ROBO2: variants seen among roughly 807,000 people sequenced by gnomAD.
ROBO2 encodes roundabout homolog 2.
A neutral mutation model predicts 160.8 loss-of-function variants in ROBO2; 53 were observed. That is an observed-to-expected ratio of 0.33 (90% CI 0.26 to 0.41). The LOEUF (loss-of-function observed/expected upper bound fraction) is 0.41, where lower values mean the gene tolerates loss of function less well. Ranked by LOEUF, ROBO2 falls within the 10% of genes least tolerant of loss-of-function variation. The pLI is 1.00. For synonymous variants in ROBO2, 664 were observed against 611.7 expected (o/e 1.09, Z -1.26); for missense variants, 1,577 against 1,722.4 (o/e 0.92, Z 1.49).
At chr3:76,076,043 G>C (rs1301131366) in intron 2 of ROBO2, among the ~76,000 whole-genome samples, 1 of 152,156 alleles carries the variant, frequency 6.6e-6, no homozygotes, top group East Asian at 1.9e-4. Context: ...GAGCAAAATG[G>C]TTATTGCATT....
At chr3:77,467,753 A>AT (rs113852920) in intron 2 of ROBO2, among the ~76,000 whole-genome samples, 4 of 109,414 alleles carry the variant, frequency 3.7e-5, no homozygotes, top group Admixed American at 2.0e-4. Context: ...GCACTAATAT[A>AT]AAAAAAAAAA....
intron 4 of ROBO2, among the ~76,000 whole-genome samples, chr3:77,488,225 G>A (rs1205983903): frequency 1.3e-5 from 2 of 152,256 alleles, no homozygotes; most frequent in Admixed American, 6.5e-5. Context: ...TCCCAAGAGA[G>A]ATTAACCTTG....
chr3:77,221,534 G>A (rs536731035), intron 2 of ROBO2, among the ~76,000 whole-genome samples: 24 of 152,062 alleles, frequency 1.6e-4, no homozygotes, highest in South Asian at 1.0e-3. Context: ...TTTGTTGTCC[G>A]CCCCCTCTTC....
At chr3:77,412,394 C>A (rs2076875745) in intron 2 of ROBO2, among the ~76,000 whole-genome samples, 1 of 152,202 alleles carries the variant, frequency 6.6e-6, no homozygotes, top group Non-Finnish European at 1.5e-5. Flanking sequence ...TGGCAAAAGA[C>A]ATATAACACA....
At chr3:76,577,916 A>T (rs962765262) in intron 2 of ROBO2, among the ~76,000 whole-genome samples, 3 of 152,122 alleles carry the variant, frequency 2.0e-5, no homozygotes, top group Non-Finnish European at 4.4e-5. Context: ...GTCCCTCTAC[A>T]TATGTTTTAC....
intron 2 of ROBO2, among the ~76,000 whole-genome samples, chr3:76,948,888 A>T (rs1381855138): frequency 3.6e-4 from 9 of 24,836 alleles, no homozygotes; most frequent in Admixed American, 6.0e-4. Context: ...ATATATATAT[A>T]TATATATATA....
At chr3:76,611,529 T>C (rs1203843401) in intron 2 of ROBO2, among the ~76,000 whole-genome samples, 1 of 152,124 alleles carries the variant, frequency 6.6e-6, no homozygotes, top group South Asian at 2.1e-4. Context: ...CTTAACAATT[T>C]CTTCTAGGTT....
At chr3:77,006,917 T>C (rs768863891) in intron 2 of ROBO2, among the ~76,000 whole-genome samples, 6 of 152,126 alleles carry the variant, frequency 3.9e-5, no homozygotes, top group Non-Finnish European at 7.4e-5. Flanking sequence ...TCTCTTAGGA[T>C]GAATGAGGAA....
intron 2 of ROBO2, among the ~76,000 whole-genome samples, chr3:77,121,886 T>C (rs986585727): frequency 6.6e-6 from 1 of 152,190 alleles, no homozygotes; most frequent in Non-Finnish European, 1.5e-5. Flanking sequence ...CATTTCATCT[T>C]CACTGCAAGC....
chr3:76,477,087 G>A (rs768790074), intron 2 of ROBO2, among the ~76,000 whole-genome samples: 6 of 152,144 alleles, frequency 3.9e-5, no homozygotes, highest in African/African-American at 1.2e-4. Context: ...TGTCTACTCC[G>A]TGGAGGTGTC....
At chr3:77,333,777 T>C (rs946871048) in intron 2 of ROBO2, among the ~76,000 whole-genome samples, 6 of 152,212 alleles carry the variant, frequency 3.9e-5, no homozygotes, top group African/African-American at 7.2e-5. Flanking sequence ...CATTATGTTA[T>C]TTAGAGTAAT....
At chr3:76,584,333 C>CG (rs1290748426) in intron 2 of ROBO2, among the ~76,000 whole-genome samples, 3 of 151,954 alleles carry the variant, frequency 2.0e-5, no homozygotes, top group East Asian at 3.9e-4. Context: ...TGATTCCCCC[C>CG]CAGAATCATA....
At chr3:75,969,455 C>T (rs943268507) in intron 2 of ROBO2, among the ~76,000 whole-genome samples, 1 of 151,438 alleles carries the variant, frequency 6.6e-6, no homozygotes, top group Non-Finnish European at 1.5e-5. Context: ...TGGAGTCATT[C>T]AGTAGCTCTA....
intron 2 of ROBO2, among the ~76,000 whole-genome samples, chr3:76,439,736 G>T (rs1278940260): frequency 6.6e-6 from 1 of 152,124 alleles, no homozygotes; most frequent in Non-Finnish European, 1.5e-5. Context: ...ATTATCTTAG[G>T]TCTATTTTTA....
chr3:76,276,107 A>T (rs1230671076), intron 2 of ROBO2, among the ~76,000 whole-genome samples: 1 of 152,056 alleles, frequency 6.6e-6, no homozygotes, highest in Non-Finnish European at 1.5e-5. Flanking sequence ...AAAATCCAAC[A>T]GTCAAGGTCT....
intron 2 of ROBO2, among the ~76,000 whole-genome samples, chr3:76,532,660 C>T (rs2082290879): frequency 6.6e-6 from 1 of 152,128 alleles, no homozygotes; most frequent in Non-Finnish European, 1.5e-5. Context: ...ATTTTTGTGA[C>T]ATGACTGACA....
At chr3:76,084,841 A>G (rs1351363483) in intron 2 of ROBO2, among the ~76,000 whole-genome samples, 1 of 152,180 alleles carries the variant, frequency 6.6e-6, no homozygotes, top group African/African-American at 2.4e-5. Flanking sequence ...GACTCATCCA[A>G]TCCCTGGACC....
At chr3:77,588,669 T>A in intron 16 of ROBO2, 82 bp from the exon 18 acceptor site, 2 of 1,304,696 alleles carry the variant, frequency 1.5e-6, no homozygotes, top group Non-Finnish European at 2.2e-6. Flanking sequence ...AAATAATTTT[T>A]CTTCATTTTT....
chr3:77,485,270 T>C (rs2085209970), intron 4 of ROBO2, among the ~76,000 whole-genome samples: 2 of 152,124 alleles, frequency 1.3e-5, no homozygotes, highest in African/African-American at 2.4e-5. Context: ...CTTAGAGTTC[T>C]AGTTTAGAAT....
Sources: allele counts gnomAD v4.1 joint callset (sites outside exome capture counted in the v4.1 genomes callset), GRCh38; gene constraint gnomAD v4.1.1; transcripts MANE v1.5; gene names NCBI Gene and HGNC (gene_info 2026-07-23, HGNC 2026-07-21).